DROSHA: variants seen among roughly 807,000 people sequenced by gnomAD.
The protein encoded by DROSHA is ribonuclease 3.
DROSHA carries 56 observed loss-of-function variants against 181.9 expected under a neutral mutation model. The ratio of observed to expected loss-of-function variants is 0.31; its 90% confidence interval spans 0.25 to 0.38. The LOEUF is 0.38. Among genes scored for constraint, DROSHA ranks in the 10% least tolerant of loss-of-function variants. DROSHA has a pLI of 1.00. For synonymous variants in DROSHA, 524 were observed against 591.2 expected (o/e 0.89, Z 1.65); for missense variants, 1,218 against 1,743.5 (o/e 0.70, Z 5.37).
intron 17 of DROSHA, among the ~76,000 whole-genome samples, chr5:31,469,787 A>T (rs1749529536): frequency 6.6e-6 from 1 of 152,234 alleles, no homozygotes; most frequent in Non-Finnish European, 1.5e-5. Flanking sequence ...TATAACATTT[A>T]TTATGCCATC....
intron 3 of DROSHA, among the ~76,000 whole-genome samples, chr5:31,529,979 T>A (rs1741084223): frequency 6.6e-6 from 1 of 152,210 alleles, no homozygotes. Context: ...TACAAAAAGC[T>A]GTAACATAGA....
At chr5:31,418,745 A>C (rs1277732677) in intron 30 of DROSHA, among the ~76,000 whole-genome samples, 1 of 152,128 alleles carries the variant, frequency 6.6e-6, no homozygotes, top group African/African-American at 2.4e-5. Flanking sequence ...GAAAAGGGAG[A>C]TAGAGAGAGG....
chr5:31,518,234 TA>T (rs1208747635), intron 6 of DROSHA, among the ~76,000 whole-genome samples: 1 of 152,170 alleles, frequency 6.6e-6, no homozygotes, highest in Non-Finnish European at 1.5e-5. Context: ...AAAGGTCCAG[TA>T]AAAAAATAAG....
chr5:31,406,811 G>C, intron 34 of DROSHA, 42 bp downstream of exon 34: 1 of 1,565,562 alleles, frequency 6.4e-7, no homozygotes, highest in Non-Finnish European at 8.8e-7. Flanking sequence ...TAGACACACA[G>C]GATGTTCATT....
intron 25 of DROSHA, among the ~76,000 whole-genome samples, chr5:31,433,464 T>C (rs1178135966): frequency 1.3e-5 from 2 of 152,226 alleles, no homozygotes; most frequent in Non-Finnish European, 2.9e-5. Flanking sequence ...TACTGTATTC[T>C]GGAGTGCTGT....
At chr5:31,469,985 T>C (rs984001821) in intron 17 of DROSHA, among the ~76,000 whole-genome samples, 3 of 152,250 alleles carry the variant, frequency 2.0e-5, no homozygotes, top group African/African-American at 7.2e-5. Flanking sequence ...GGATGAAATG[T>C]AGTGTGGTGT....
At chr5:31,421,932 G>GTGTGTGTGTGTA (rs1554020895) in intron 29 of DROSHA, 65 of 108,512 alleles carry the variant, frequency 6.0e-4, no homozygotes, top group African/African-American at 2.9e-3. Flanking sequence ...GTGTGTGTGT[G>GTGTGTGTGTGTA]TATATAAATT....
intron 17 of DROSHA, among the ~76,000 whole-genome samples, chr5:31,468,749 C>G (rs1749404149): frequency 6.6e-6 from 1 of 152,144 alleles, no homozygotes; most frequent in African/African-American, 2.4e-5. Flanking sequence ...GTTTCAGCAA[C>G]CTCCTTCCTT....
At chr5:31,417,989 C>G (rs1029185156) in intron 30 of DROSHA, among the ~76,000 whole-genome samples, 2 of 152,126 alleles carry the variant, frequency 1.3e-5, no homozygotes, top group Non-Finnish European at 2.9e-5. Flanking sequence ...GTCCATCTCT[C>G]AGAGTTCAAA....
chr5:31,493,086 C>T, intron 13 of DROSHA, 121 bp downstream of exon 13: 1 of 1,015,366 alleles, frequency 9.8e-7, no homozygotes, highest in Non-Finnish European at 1.5e-6. Context: ...ATTTACAATA[C>T]AGAGGGATGC....
intron 26 of DROSHA, among the ~76,000 whole-genome samples, chr5:31,431,177 C>A (rs1247086708): frequency 1.3e-5 from 2 of 152,014 alleles, no homozygotes; most frequent in Non-Finnish European, 2.9e-5. Context: ...AAACAGAAAT[C>A]TTACAAATAG....
chr5:31,521,292 T>G (rs1739871270), intron 5 of DROSHA, 77 bp from the exon 6 acceptor site: 1 of 1,480,110 alleles, frequency 6.8e-7, no homozygotes, highest in Non-Finnish European at 9.4e-7. Context: ...GAATTCATCT[T>G]GTAAATAAAT....
chr5:31,433,971 C>G (rs1455954447), intron 25 of DROSHA, among the ~76,000 whole-genome samples: 1 of 152,200 alleles, frequency 6.6e-6, no homozygotes, highest in Non-Finnish European at 1.5e-5. Flanking sequence ...AACAATTCTC[C>G]ATCAATTCCC....
Position 31,409,163 on chromosome 5 carries a change from T to A in DROSHA, c.3751-4A>T. On this transcript the variant is annotated splice_polypyrimidine_tract_variant and splice_region_variant and intron_variant, in intron 32 of 35. Transcript: ENST00000344624. This position sits in a 1 kb window ranked among gnomAD's most constrained non-coding sequence, Gnocchi z 4.0. Reference sequence around the variant, plus strand: ...AATCCTGATTCAAAATGAACTCCTGTGGAAGTCCCCCAAAACTATTTAGTA... The same window carrying A: ...AATCCTGATTCAAAATGAACTCCTGAGGAAGTCCCCCAAAACTATTTAGTA... 4 of 1,613,530 alleles carry A rather than the reference T, an allele frequency of 2.5e-6. No homozygotes were observed. Among genetic ancestry groups the A allele is most frequent in the Non-Finnish European group, 1.7e-6 (2 of 1,179,730 alleles).
At chr5:31,457,062 G>GA (rs1747750922) in intron 20 of DROSHA, among the ~76,000 whole-genome samples, 1 of 141,886 alleles carries the variant, frequency 7.0e-6, no homozygotes, top group Non-Finnish European at 1.5e-5. Context: ...ATTCATACAA[G>GA]AAAGAGGAAA....
intron 24 of DROSHA, among the ~76,000 whole-genome samples, chr5:31,436,741 A>AACACAC (rs58046266): frequency 2.5e-4 from 35 of 137,694 alleles, no homozygotes; most frequent in Non-Finnish European, 3.3e-4. Context: ...TCTGGAGAGA[A>AACACAC]ACACACACAC....
intron 29 of DROSHA, among the ~76,000 whole-genome samples, chr5:31,422,136 C>A (rs917585210): frequency 6.7e-6 from 1 of 150,112 alleles, no homozygotes; most frequent in East Asian, 2.0e-4. Flanking sequence ...AAATAACATA[C>A]TCCATTATTC....
intron 30 of DROSHA, among the ~76,000 whole-genome samples, chr5:31,420,325 C>T (rs1339063770): frequency 6.6e-6 from 1 of 152,164 alleles, no homozygotes; most frequent in Non-Finnish European, 1.5e-5. Flanking sequence ...AAAGTATTTG[C>T]TTTCTCAATG....
chr5:31,408,922 A>T, intron 33 of DROSHA, 134 bp downstream of exon 33: 1 of 778,866 alleles, frequency 1.3e-6, no homozygotes, highest in South Asian at 1.9e-5. Flanking sequence ...CCAAAGTCAC[A>T]CTAACAGCCA....
Sources: allele counts gnomAD v4.1 joint callset (sites outside exome capture counted in the v4.1 genomes callset), GRCh38; gene constraint gnomAD v4.1.1; non-coding constraint Gnocchi (gnomAD v3.1); transcripts MANE v1.5; gene names NCBI Gene and HGNC (gene_info 2026-07-23, HGNC 2026-07-21).